THAP6: variants seen among roughly 807,000 people sequenced by gnomAD.
THAP6 encodes the protein THAP domain-containing protein 6.
A neutral mutation model predicts 20.0 loss-of-function variants in THAP6; 13 were observed. The ratio of observed to expected loss-of-function variants is 0.65; its 90% confidence interval spans 0.42 to 1.03. The LOEUF is 1.03. Among genes scored for constraint, THAP6 ranks in the 50% least tolerant of loss-of-function variants. The pLI, the probability that THAP6 is intolerant of heterozygous loss-of-function variation, is 0.00. For synonymous variants in THAP6, 93 were observed against 92.2 expected, an observed-to-expected ratio of 1.01 and a Z score of -0.05; for missense variants, 262 against 261.6, an observed-to-expected ratio of 1.00 and a Z score of -0.01.
At chr4:75,545,282 A>T (rs530109477) in intron 3 of THAP6, among the ~76,000 whole-genome samples, 15 of 152,300 alleles carry the variant, frequency 9.8e-5, no homozygotes, top group African/African-American at 3.6e-4. Context: ...CCATCGATGA[A>T]TGCAGGCTCT....
intron 4 of THAP6, among the ~76,000 whole-genome samples, chr4:75,526,419 G>A (rs1428361587): frequency 6.6e-6 from 1 of 151,970 alleles, no homozygotes; most frequent in Non-Finnish European, 1.5e-5. Flanking sequence ...AAATGAAAAA[G>A]GAATAAAAGC....
intron 3 of THAP6, among the ~76,000 whole-genome samples, chr4:75,517,953 T>G (rs1014677463): frequency 2.6e-5 from 4 of 152,196 alleles, no homozygotes; most frequent in African/African-American, 9.7e-5. Context: ...GAAAGGGATC[T>G]CCTTCCTGGC....
At chr4:75,535,884 G>C (rs1212391788) in intron 2 of THAP6, among the ~76,000 whole-genome samples, 1 of 152,048 alleles carries the variant, frequency 6.6e-6, no homozygotes, top group African/African-American at 2.4e-5. Context: ...ATCTACCTGG[G>C]TACCTACATC....
intron 2 of THAP6, among the ~76,000 whole-genome samples, chr4:75,541,422 C>A (rs1726997669): frequency 6.6e-6 from 1 of 151,724 alleles, no homozygotes; most frequent in African/African-American, 2.4e-5. Context: ...TGAAACCTAC[C>A]TACAAAACAA....
upstream of THAP6, chr4:75,513,989 T>C: frequency 1.6e-6 from 1 of 641,538 alleles, no homozygotes; most frequent in Non-Finnish European, 2.5e-6. Flanking sequence ...AGAAGGGTTT[T>C]GCTTTAAAGG....
At chr4:75,514,457 A>C (rs1261777693), upstream of THAP6, 3 of 684,268 alleles carry the variant, frequency 4.4e-6, no homozygotes, top group East Asian at 5.6e-5. Context: ...CGGGGCTACG[A>C]GGCGGAAGCG....
chr4:75,514,184 T>C (rs773999077), upstream of THAP6: 4 of 1,604,728 alleles, frequency 2.5e-6, no homozygotes, highest in Non-Finnish European at 8.5e-7. Flanking sequence ...GAAGAGTCCA[T>C]AGAAGGCGTC....
At chr4:75,521,161 A>T (rs565204383) in intron 3 of THAP6, among the ~76,000 whole-genome samples, 45 of 151,186 alleles carry the variant, frequency 3.0e-4, no homozygotes, top group Middle Eastern at 6.8e-3. Flanking sequence ...GCTTTTTTCA[A>T]TGTAGTCAAT....
Position 75,546,838 on chromosome 4 carries a change from C to G in THAP6, c.244-2767C>G, listed in dbSNP as rs1467611760. The stretch of plus-strand genomic sequence containing the variant: ...CCCACCCACATTACAGAGGGCCATC[C>G]GTTTACTCAAAGCCCACTGATTTCA... On this transcript the variant is annotated intron_variant, in intron 3 of 4. Transcript: ENST00000502620. Among the ~76,000 whole-genome samples, 8 of 152,262 alleles carry G rather than the reference C, an allele frequency of 5.3e-5. No individual in the cohort carries two copies. In the East Asian group the frequency reaches 1.5e-3, roughly 29 times the overall value.
In THAP6 at chr4:75,521,752, T is replaced by G; in HGVS notation, c.305T>G (p.Leu102Arg). Reference sequence around the variant, plus strand: ...TCTTAACAGGGGAAAAGAGAAAAACTTCATTGTAGAAAAAACTTCACCCTC... The same window carrying G: ...TCTTAACAGGGGAAAAGAGAAAAACGTCATTGTAGAAAAAACTTCACCCTC... ...PYHLQGKREK[L>R]HCRKNFTLKT... The change falls in exon 4 of 5, where the codon CTT becomes CGT. Residue 102 changes from leucine to arginine, a missense_variant. Leu to Arg is a moderately radical substitution (Grantham distance 102). Coordinates refer to ENST00000311638, the MANE Select transcript of THAP6 (RefSeq NM_144721.6). The G allele has an allele frequency of 1.2e-6, 2 of 1,611,444 alleles. No individual in the cohort carries two copies. Among genetic ancestry groups the G allele is most frequent in the South Asian group, 1.1e-5 (1 of 90,644 alleles).
intron 4 of THAP6, among the ~76,000 whole-genome samples, chr4:75,525,307 G>A (rs554923951): frequency 7.4e-4 from 112 of 152,124 alleles, no homozygotes; most frequent in Admixed American, 3.9e-4. Flanking sequence ...TGTTACTGAT[G>A]CTTTATTTTT....
At chr4:75,541,447 C>CGTGTGT (rs138759889) in intron 2 of THAP6, among the ~76,000 whole-genome samples, 33 of 150,390 alleles carry the variant, frequency 2.2e-4, no homozygotes, top group African/African-American at 7.1e-4. Context: ...TAAGTGTGTA[C>CGTGTGT]GTGTGTGTGT....
At chr4:75,533,249 A>G (rs971665025), downstream of THAP6, among the ~76,000 whole-genome samples, 5 of 152,182 alleles carry the variant, frequency 3.3e-5, no homozygotes, top group Admixed American at 1.3e-4. Flanking sequence ...GCAGGGGCAA[A>G]ATGCTGCCAG....
rs1726560259 is a variant in THAP6 at position 75,529,046 on chromosome 4, C to G, written c.*1832C>G. On this transcript the variant is annotated 3_prime_UTR_variant, in exon 5 of 5. Coordinates refer to ENST00000311638, the MANE Select transcript of THAP6 (RefSeq NM_144721.6). ...CCAGCCTGAGCAACAGAGCAAGACT[C>G]CATCTCAAAAAAACAAAACTACTTT... 1 of 864,492 alleles carries G rather than the reference C, an allele frequency of 1.2e-6. No individual in the cohort carries two copies. The allele number at this position is 864,492 out of a possible 1,614,324, so 53.6% of individuals were successfully genotyped here.
chr4:75,531,098 T>C (rs755619160), downstream of THAP6, among the ~76,000 whole-genome samples: 2 of 152,210 alleles, frequency 1.3e-5, no homozygotes, highest in Non-Finnish European at 2.9e-5. Context: ...ATCTGGAAAT[T>C]TGGATTCCAC....
chr4:75,530,032 T>TA (rs1374800405), downstream of THAP6: 7 of 976,512 alleles, frequency 7.2e-6, no homozygotes, highest in East Asian at 8.0e-4. Flanking sequence ...AGTAATGTGT[T>TA]ATGTGGTTTT....
intron 4 of THAP6, among the ~76,000 whole-genome samples, chr4:75,525,105 C>T (rs1038217907): frequency 6.6e-6 from 1 of 151,828 alleles, no homozygotes; most frequent in Non-Finnish European, 1.5e-5. Flanking sequence ...GATGATATGC[C>T]TTGGTTTCAT....
In THAP6 at chr4:75,528,885, C is replaced by T. The variant is rs1390094407; in HGVS notation, c.*1671C>T. Reference sequence around the variant, plus strand: ...CCAAGATGGTGAAACCCCATCTCTGCTAAAAATACAAAAAAAAATTAGCCG... The same window carrying T: ...CCAAGATGGTGAAACCCCATCTCTGTTAAAAATACAAAAAAAAATTAGCCG... On this transcript the variant is annotated 3_prime_UTR_variant, in exon 5 of 5. Coordinates refer to ENST00000311638, the MANE Select transcript of THAP6 (RefSeq NM_144721.6). 4.6e-6 allele frequency: 3 copies of T among 649,612 alleles called. No individual in the cohort carries two copies. Among genetic ancestry groups the T allele is most frequent in the Non-Finnish European group, 3.8e-6 (2 of 524,090 alleles). 40.2% of individuals were successfully genotyped at this position (649,612 alleles called of 1,614,324 possible). A position where few individuals can be genotyped will look rare whatever the true frequency, so the allele number is the denominator to read the frequency against.
At chr4:75,520,280 G>T (rs956934444) in intron 3 of THAP6, among the ~76,000 whole-genome samples, 4 of 151,998 alleles carry the variant, frequency 2.6e-5, no homozygotes, top group African/African-American at 2.4e-5. Flanking sequence ...TTTGTAGGTT[G>T]CCGGGGCACA....
Sources: gnomAD v4.1 joint callset for allele counts (sites outside exome capture counted in the v4.1 genomes callset) on GRCh38, gnomAD v4.1.1 for gene constraint, MANE v1.5 for transcripts, NCBI Gene and HGNC (gene_info 2026-07-23, HGNC 2026-07-21) for gene names.